Variants in MAML3 observed in about 807,000 individuals in gnomAD.
MAML3 encodes the protein mastermind-like protein 3.
Under a neutral mutation model 101.9 loss-of-function variants are expected in MAML3, and 27 were observed. That is an observed-to-expected ratio of 0.27 (90% CI 0.20 to 0.37). The LOEUF (loss-of-function observed/expected upper bound fraction) is 0.37. MAML3 is among the 10% of genes least tolerant of loss of function. MAML3 has a pLI of 1.00. For synonymous variants in MAML3, 501 were observed against 555.9 expected (o/e 0.90, Z 1.39); for missense variants, 1,316 against 1,444.9 (o/e 0.91, Z 1.45).
chr4:140,037,214 C>T (rs1220571385), intron 1 of MAML3, among the ~76,000 whole-genome samples: 1 of 146,588 alleles, frequency 6.8e-6, no homozygotes, highest in Admixed American at 6.9e-5. Context: ...TAGGGAAGCA[C>T]TATAAATGAC....
intron 1 of MAML3, among the ~76,000 whole-genome samples, chr4:140,097,605 T>C (rs1728184417): frequency 1.3e-5 from 2 of 151,386 alleles, no homozygotes; most frequent in African/African-American, 2.4e-5. Context: ...AGGAATGTAC[T>C]GAAGGAAGAC....
intron 1 of MAML3, among the ~76,000 whole-genome samples, chr4:139,978,145 T>C (rs532768176): frequency 1.3e-5 from 2 of 151,970 alleles, no homozygotes; most frequent in Non-Finnish European, 2.9e-5. Context: ...CTGTGCTCCT[T>C]CTCCTTGACT....
intron 1 of MAML3, among the ~76,000 whole-genome samples, chr4:139,952,903 A>G (rs996567355): frequency 6.6e-6 from 1 of 152,216 alleles, no homozygotes; most frequent in African/African-American, 2.4e-5. Flanking sequence ...TGGAGGAGCT[A>G]CAAGGTGGAA....
At chr4:140,091,532 C>CAAAAAAA (rs1218380120) in intron 1 of MAML3, among the ~76,000 whole-genome samples, 3 of 12,082 alleles carry the variant, frequency 2.5e-4, no homozygotes, top group Non-Finnish European at 9.5e-4. Flanking sequence ...AACAAAACAA[C>CAAAAAAA]AAAACAAAAA....
chr4:140,005,398 G>A lies in MAML3; in HGVS notation c.469-114431C>T, dbSNP rs1366008027. ...AGAAAAGTGCTGCTGCCAGGCAGCT[G>A]TCCTCCAATGTTGGAAACATGATCA... is the stretch of plus-strand genomic sequence containing the variant. On this transcript the variant is annotated intron_variant, in intron 1 of 4. Coordinates refer to ENST00000509479, the MANE Select transcript of MAML3 (RefSeq NM_018717.5). Among the ~76,000 whole-genome samples, 3 of 152,212 alleles carry A rather than the reference G, an allele frequency of 2.0e-5. No homozygotes were observed. In the South Asian group the frequency reaches 6.2e-4, roughly 32 times the overall value.
chr4:140,035,265 C>T (rs571144827), intron 1 of MAML3, among the ~76,000 whole-genome samples: 132 of 152,232 alleles, frequency 8.7e-4, no homozygotes, highest in African/African-American at 2.0e-3. Flanking sequence ...TGAGCCACCA[C>T]GCCCGGCCAA....
chr4:139,720,310 A>G lies in MAML3; in HGVS notation c.2430T>C (p.Asp810=). 1.3e-6 allele frequency: 2 copies of G among 1,534,662 alleles called. No individual in the cohort carries two copies. Among genetic ancestry groups the G allele is most frequent in the Non-Finnish European group, 1.8e-6 (2 of 1,139,912 alleles). The change falls in exon 5 of 5, where the codon GAT becomes GAC. Residue 810 remains aspartate, a synonymous_variant. Coordinates refer to ENST00000509479, the MANE Select transcript of MAML3 (RefSeq NM_018717.5). ...CTGCTTGGCTTCTTACGGCTGCTAT[A>G]TCCTGGGGAGAACCTGCAGTGAAAA... ...QVNQFQGSPQ[D]IAAVRSQAAL... is the part of the protein sequence containing the mutation.
At chr4:140,086,279 T>A (rs1241893629) in intron 1 of MAML3, among the ~76,000 whole-genome samples, 1 of 152,234 alleles carries the variant, frequency 6.6e-6, no homozygotes, top group African/African-American at 2.4e-5. Context: ...CCCTGCCCCA[T>A]CAGCGTCCCC....
intron 1 of MAML3, among the ~76,000 whole-genome samples, chr4:140,037,468 C>T (rs141660270): frequency 7.2e-5 from 11 of 152,254 alleles, no homozygotes; most frequent in African/African-American, 2.4e-4. Context: ...ATATTATTTC[C>T]TTTAAATAGC....
Position 140,065,945 on chromosome 4 carries a change from A to G in MAML3, c.468+86915T>C, listed in dbSNP as rs1727530307. Among the ~76,000 whole-genome samples the G allele has an allele frequency of 3.9e-5, 6 of 152,254 alleles. No individual in the cohort carries two copies. The South Asian group carries it at 1.2e-3, about 32-fold the overall frequency. ...TGCTCCATGCATAAATGACATCCTA[A>G]CTTTACAAAAGGATTTACTCAAAGT... On this transcript the variant is annotated intron_variant, in intron 1 of 4. Coordinates refer to ENST00000509479, the MANE Select transcript of MAML3 (RefSeq NM_018717.5).
intron 2 of MAML3, among the ~76,000 whole-genome samples, chr4:139,810,031 G>T (rs935754840): frequency 1.6e-4 from 25 of 151,730 alleles, no homozygotes; most frequent in African/African-American, 5.8e-4. Context: ...AAAGGGAAGA[G>T]AAATAAAGAA....
intron 1 of MAML3, among the ~76,000 whole-genome samples, chr4:139,984,672 G>A (rs1368755579): frequency 6.6e-6 from 1 of 152,194 alleles, no homozygotes; most frequent in African/African-American, 2.4e-5. Flanking sequence ...TGGCAAGTCT[G>A]AAATTTGTAG....
intron 1 of MAML3, among the ~76,000 whole-genome samples, chr4:140,017,845 T>C (rs1271542296): frequency 7.1e-6 from 1 of 141,128 alleles, no homozygotes; most frequent in Admixed American, 7.6e-5. Context: ...GGAAATGTTC[T>C]GTATCTTGAT....
Position 139,725,746 on chromosome 4 carries a change from C to A in MAML3, c.2416+5G>T. Reference sequence around the variant, plus strand: ...ATAAAATGAGAGAGGTTGCACTGGCCTCACCTTGAAACTGATTGACCTGCT... The same window carrying A: ...ATAAAATGAGAGAGGTTGCACTGGCATCACCTTGAAACTGATTGACCTGCT... On this transcript the variant is annotated splice_donor_5th_base_variant and intron_variant, in intron 4 of 4. Coordinates refer to ENST00000509479, the MANE Select transcript of MAML3 (RefSeq NM_018717.5). 6.2e-7 allele frequency: 1 copy of A among 1,613,858 alleles called. No homozygotes were observed. The highest frequency in any genetic ancestry group is 8.5e-7 in the Non-Finnish European group (1 of 1,179,784).
chr4:140,038,251 A>G (rs188912965), intron 1 of MAML3, among the ~76,000 whole-genome samples: 3 of 152,336 alleles, frequency 2.0e-5, no homozygotes, highest in African/African-American at 7.2e-5. Flanking sequence ...GACCCTGAAG[A>G]TGATTTGATC....
chr4:139,794,857 T>G (rs1468926421), intron 2 of MAML3, among the ~76,000 whole-genome samples: 5 of 152,212 alleles, frequency 3.3e-5, no homozygotes, highest in Non-Finnish European at 4.4e-5. Flanking sequence ...CTTAACAGAC[T>G]AGGGTCAGGT....
At chr4:139,812,568 G>A (rs979188859) in intron 2 of MAML3, among the ~76,000 whole-genome samples, 1 of 152,220 alleles carries the variant, frequency 6.6e-6, no homozygotes, top group African/African-American at 2.4e-5. Flanking sequence ...ACAATTCAGT[G>A]GTCGGATAAT....
At chr4:139,971,394 C>T (rs1734232868) in intron 1 of MAML3, among the ~76,000 whole-genome samples, 2 of 152,228 alleles carry the variant, frequency 1.3e-5, no homozygotes, top group South Asian at 4.1e-4. Context: ...CTTGGCTGCA[C>T]ACCAGGTATA....
At chr4:139,789,295 G>A (rs1036175635) in intron 2 of MAML3, among the ~76,000 whole-genome samples, 21 of 152,182 alleles carry the variant, frequency 1.4e-4, no homozygotes, top group East Asian at 1.9e-4. Flanking sequence ...AGTGTTCCAC[G>A]GAAACACTGG....
Sources: gnomAD v4.1 joint callset for allele counts (sites outside exome capture counted in the v4.1 genomes callset) on GRCh38, gnomAD v4.1.1 for gene constraint, MANE v1.5 for transcripts, NCBI Gene and HGNC (gene_info 2026-07-23, HGNC 2026-07-21) for gene names.